Variants in RGPD2 observed in about 807,000 individuals in gnomAD.
RGPD2 encodes RANBP2 like and GRIP domain containing 2, also known as RANBP2-like and GRIP domain-containing protein 2.
A neutral mutation model predicts 36.0 loss-of-function variants in RGPD2; 2 were observed. The observed-to-expected ratio is 0.06, with a 90% CI of 0.02 to 0.17. The LOEUF is 0.17. RGPD2 is among the 10% of genes least tolerant of loss of function. RGPD2 has a pLI of 1.00. For missense variants in RGPD2, 40 were observed against 464.3 expected (o/e 0.09, Z 8.40); for synonymous variants, 19 against 163.8 (o/e 0.12, Z 6.75).
chr2:87,911,426 C>T, the RGPD2 span, among the ~76,000 whole-genome samples: 424 of 149,754 alleles, frequency 2.8e-3, 5 homozygotes, highest in Non-Finnish European at 1.1e-3. Context: ...ATGCATGTAC[C>T]GGTTTCTTTT....
chr2:87,960,211 C>A, the RGPD2 span, among the ~76,000 whole-genome samples: 8 of 151,396 alleles, frequency 5.3e-5, no homozygotes, highest in Admixed American at 6.6e-5. Context: ...TCTTCCTCAC[C>A]AGCCCATTAT....
chr2:87,877,700 G>C, the RGPD2 span, among the ~76,000 whole-genome samples: 2 of 151,580 alleles, frequency 1.3e-5, no homozygotes, highest in Non-Finnish European at 2.9e-5. Flanking sequence ...AGCTACTCGG[G>C]AGTCTGAGGC....
chr2:87,760,946 CAA>C (rs1487450771), intron 22 of RGPD2, among the ~76,000 whole-genome samples: 2 of 149,360 alleles, frequency 1.3e-5, no homozygotes, highest in African/African-American at 2.5e-5. Context: ...CTGGTATTTC[CAA>C]AAAGTCTCCA....
At chr2:87,854,051 G>A in the RGPD2 span, among the ~76,000 whole-genome samples, 11 of 151,276 alleles carry the variant, frequency 7.3e-5, no homozygotes, top group South Asian at 2.1e-4. Flanking sequence ...AAACAGAATC[G>A]TGTGTGCTGA....
chr2:87,984,814 C>T, the RGPD2 span, among the ~76,000 whole-genome samples: 1 of 151,560 alleles, frequency 6.6e-6, no homozygotes, highest in African/African-American at 2.4e-5. Context: ...CCTGTAGTCC[C>T]AGCTACTCGG....
the RGPD2 span, among the ~76,000 whole-genome samples, chr2:87,971,913 G>A: frequency 6.6e-6 from 1 of 151,612 alleles, no homozygotes; most frequent in Non-Finnish European, 1.5e-5. Flanking sequence ...TGTCTTGGTT[G>A]GTACACATCA....
the RGPD2 span, among the ~76,000 whole-genome samples, chr2:87,964,474 G>A: frequency 6.6e-6 from 1 of 152,068 alleles, no homozygotes; most frequent in East Asian, 1.9e-4. Context: ...GTACTTCACA[G>A]ATACTATGTT....
the RGPD2 span, among the ~76,000 whole-genome samples, chr2:87,857,011 T>C: frequency 3.9e-5 from 6 of 152,232 alleles, no homozygotes; most frequent in Admixed American, 3.3e-4. Flanking sequence ...TTTTTGCTTG[T>C]CATTATCCAA....
chr2:87,842,076 A>G, the RGPD2 span, among the ~76,000 whole-genome samples: 4,062 of 151,566 alleles, frequency 0.027, 102 homozygotes, highest in African/African-American at 0.094. Context: ...AATAAGAGCT[A>G]TCTATGACAA....
the RGPD2 span, among the ~76,000 whole-genome samples, chr2:87,911,499 C>G: frequency 9.2e-5 from 14 of 151,874 alleles, no homozygotes; most frequent in African/African-American, 3.1e-4. Context: ...TAAATTAAAT[C>G]AAGATGGAAT....
chr2:87,866,873 T>A, the RGPD2 span, among the ~76,000 whole-genome samples: 1 of 152,164 alleles, frequency 6.6e-6, no homozygotes, highest in Admixed American at 6.5e-5. Flanking sequence ...ATAGAGTCTT[T>A]CCTCCCCGGG....
At chr2:87,883,092 C>A in the RGPD2 span, among the ~76,000 whole-genome samples, 1 of 152,026 alleles carries the variant, frequency 6.6e-6, no homozygotes, top group Non-Finnish European at 1.5e-5. Context: ...AGTGTAAAAA[C>A]AAAACTATTA....
chr2:87,983,986 A>T, the RGPD2 span, among the ~76,000 whole-genome samples: 2 of 151,922 alleles, frequency 1.3e-5, no homozygotes, highest in Non-Finnish European at 2.9e-5. Flanking sequence ...TCACTGGGGG[A>T]TTCTACGCAG....
At chr2:87,937,496 G>A in the RGPD2 span, among the ~76,000 whole-genome samples, 4 of 151,772 alleles carry the variant, frequency 2.6e-5, no homozygotes, top group South Asian at 2.1e-4. Flanking sequence ...ACTTATAACC[G>A]TGAAGAAAGG....
the RGPD2 span, among the ~76,000 whole-genome samples, chr2:87,957,356 G>T: frequency 2.7e-5 from 1 of 36,932 alleles, no homozygotes; most frequent in Non-Finnish European, 6.6e-5. Flanking sequence ...TCATCTCCAA[G>T]CCAGAAAGAG....
At chr2:87,883,531 A>AT in the RGPD2 span, among the ~76,000 whole-genome samples, 1 of 151,958 alleles carries the variant, frequency 6.6e-6, no homozygotes, top group East Asian at 1.9e-4. Flanking sequence ...AGCTGAAGGA[A>AT]TGAAAAAAAC....
the RGPD2 span, among the ~76,000 whole-genome samples, chr2:87,931,007 T>C: frequency 2.9e-5 from 2 of 69,536 alleles, no homozygotes; most frequent in Admixed American, 1.8e-4. Flanking sequence ...CATTAATTTT[T>C]TTTTTCAAAA....
the RGPD2 span, among the ~76,000 whole-genome samples, chr2:87,903,380 T>G: frequency 6.6e-6 from 1 of 152,208 alleles, no homozygotes; most frequent in Non-Finnish European, 1.5e-5. Context: ...TGCAGTCAAA[T>G]GCTGTCTCAC....
intron 1 of RGPD2, among the ~76,000 whole-genome samples, chr2:87,825,306 A>T (rs1171656044): frequency 6.6e-6 from 1 of 151,452 alleles, no homozygotes; most frequent in Non-Finnish European, 1.5e-5. Flanking sequence ...GGCGAACCTG[A>T]TCTCTTATAC....
Sources: allele counts gnomAD v4.1 joint callset (sites outside exome capture counted in the v4.1 genomes callset), GRCh38; gene constraint gnomAD v4.1.1; transcripts MANE v1.5; gene names NCBI Gene and HGNC (gene_info 2026-07-23, HGNC 2026-07-21).